VWA8: variants seen among roughly 807,000 people sequenced by gnomAD.
VWA8 encodes the protein von Willebrand factor A domain containing 8, also known as von Willebrand factor A domain-containing protein 8.
Under a neutral mutation model 241.5 loss-of-function variants are expected in VWA8, and 221 were observed. The ratio of observed to expected loss-of-function variants is 0.91; its 90% CI spans 0.82 to 1.02. The LOEUF is 1.02. Ranked by LOEUF, VWA8 falls within the 50% of genes least tolerant of loss-of-function variation. The probability of loss-of-function intolerance (pLI) is 0.00; values close to 1 mark genes in which losing one functional copy is unlikely to be tolerated. For missense variants in VWA8, 2,322 were observed against 2,328.7 expected (o/e 1.00, Z 0.06); for synonymous variants, 852 against 827.1 (o/e 1.03, Z -0.52).
At chr13:41,749,568 C>T (rs367660089) in intron 21 of VWA8, among the ~76,000 whole-genome samples, 9 of 151,172 alleles carry the variant, frequency 6.0e-5, no homozygotes, top group East Asian at 1.9e-4. Context: ...ATGTTTACTG[C>T]GGCACCACTC....
intron 22 of VWA8, among the ~76,000 whole-genome samples, chr13:41,730,315 TG>T (rs67669796): frequency 0.015 from 2,214 of 152,252 alleles, 38 homozygotes; most frequent in East Asian, 0.058. Flanking sequence ...AGGGTTTAAC[TG>T]TCAGACCAAG....
intron 3 of VWA8, among the ~76,000 whole-genome samples, chr13:41,911,054 T>G (rs1035852207): frequency 7.2e-6 from 1 of 138,332 alleles, no homozygotes; most frequent in Admixed American, 8.7e-5. Context: ...CATTTGTACA[T>G]TTTCTTTCTT....
intron 37 of VWA8, among the ~76,000 whole-genome samples, chr13:41,648,381 T>C (rs892843678): frequency 3.9e-5 from 6 of 152,178 alleles, no homozygotes. Context: ...ATTTCTGAAA[T>C]AGTTCTTCCC....
chr13:41,784,739 TATATATATATATATATATATATAC>T (rs1566456396), intron 18 of VWA8, among the ~76,000 whole-genome samples: 59 of 76,104 alleles, frequency 7.8e-4, no homozygotes, highest in Admixed American at 1.2e-3. Flanking sequence ...TACACACACA[TATATATATATATATATATATATAC>T]ACACACACAC....
intron 2 of VWA8, among the ~76,000 whole-genome samples, chr13:41,930,242 G>C (rs1313697164): frequency 6.6e-6 from 1 of 152,202 alleles, no homozygotes; most frequent in Non-Finnish European, 1.5e-5. Flanking sequence ...GTCGGCAAGG[G>C]TGTGGAGAAA....
At chr13:41,818,826 A>T (rs995283291) in intron 15 of VWA8, among the ~76,000 whole-genome samples, 1 of 152,204 alleles carries the variant, frequency 6.6e-6, no homozygotes, top group African/African-American at 2.4e-5. Flanking sequence ...TTCACTAAAC[A>T]GAAAAATAAA....
chr13:41,591,634 C>G (rs1253167201), intron 40 of VWA8, among the ~76,000 whole-genome samples: 2 of 151,416 alleles, frequency 1.3e-5, no homozygotes, highest in Non-Finnish European at 2.9e-5. Flanking sequence ...AAACAAACAA[C>G]CCCATCAAAA....
chr13:41,607,906 A>T (rs913296391), intron 39 of VWA8, among the ~76,000 whole-genome samples: 3 of 152,124 alleles, frequency 2.0e-5, no homozygotes, highest in African/African-American at 7.2e-5. Flanking sequence ...GGGAATAATG[A>T]ACATACGTCT....
At chr13:41,647,741 G>T (rs2044840884) in intron 37 of VWA8, among the ~76,000 whole-genome samples, 1 of 152,164 alleles carries the variant, frequency 6.6e-6, no homozygotes, top group South Asian at 2.1e-4. Flanking sequence ...TGTAATCCTA[G>T]CACTTTGGGA....
intron 12 of VWA8, among the ~76,000 whole-genome samples, chr13:41,856,200 G>A (rs899615468): frequency 2.0e-5 from 3 of 152,066 alleles, no homozygotes; most frequent in African/African-American, 4.8e-5. Flanking sequence ...GCCAGCGGGG[G>A]TAGCACACAT....
chr13:41,884,632 T>C (rs887797748), intron 8 of VWA8, among the ~76,000 whole-genome samples: 3 of 151,744 alleles, frequency 2.0e-5, no homozygotes, highest in Non-Finnish European at 4.4e-5. Flanking sequence ...ATATTAATAA[T>C]GGGTGATTGT....
chr13:41,595,073 G>A (rs563843793), intron 40 of VWA8, among the ~76,000 whole-genome samples: 1 of 152,302 alleles, frequency 6.6e-6, no homozygotes, highest in South Asian at 2.1e-4. Flanking sequence ...TACCATGAAG[G>A]ACTATTAGGC....
At chr13:41,836,554 T>C (rs1050438631) in intron 12 of VWA8, among the ~76,000 whole-genome samples, 3 of 152,190 alleles carry the variant, frequency 2.0e-5, no homozygotes, top group African/African-American at 7.2e-5. Context: ...CTCATTCTTA[T>C]ACCAACATAT....
At chr13:41,810,992 A>T (rs1378594628) in intron 17 of VWA8, among the ~76,000 whole-genome samples, 1 of 152,106 alleles carries the variant, frequency 6.6e-6, no homozygotes, top group Non-Finnish European at 1.5e-5. Flanking sequence ...TGCAGGCTGT[A>T]CAGGAAGCAT....
intron 12 of VWA8, among the ~76,000 whole-genome samples, chr13:41,845,856 G>A (rs1377687987): frequency 6.6e-6 from 1 of 152,062 alleles, no homozygotes; most frequent in East Asian, 1.9e-4. Flanking sequence ...TGAAGGGTGA[G>A]GGCTGAAAAA....
chr13:41,756,073 C>T lies in VWA8; in HGVS notation c.2426+5055G>A, dbSNP rs557100578. Among the ~76,000 whole-genome samples, 29 of 151,678 alleles carry T rather than the reference C, an allele frequency of 1.9e-4. No individual in the cohort carries two copies. In the South Asian group the frequency reaches 4.6e-3, roughly 24 times the overall value. On this transcript the variant is annotated intron_variant, in intron 21 of 44. Coordinates refer to ENST00000379310, the MANE Select transcript of VWA8 (RefSeq NM_015058.2). The stretch of plus-strand genomic sequence containing the variant: ...ACCAATAATATTAATAAACCCCTGA[C>T]AAAACTGATTGAGAAGGCAAACAGC...
chr13:41,951,663 T>C lies in VWA8; in HGVS notation c.164-1650A>G, dbSNP rs146818437. On this transcript the variant is annotated intron_variant, in intron 1 of 44. Coordinates refer to ENST00000379310, the MANE Select transcript of VWA8 (RefSeq NM_015058.2). The stretch of plus-strand genomic sequence containing the variant: ...AGGGCTCAGAGACACTCCAAAAAAG[T>C]AGTCGTGCAAAACTCATCTTTCAGC... Among the ~76,000 whole-genome samples the C allele has an allele frequency of 4.5e-3, 689 of 152,272 alleles. 3 individuals carry two copies. The highest frequency in any genetic ancestry group is 0.016 in the African/African-American group (659 of 41,562).
chr13:41,677,438 A>G (rs1593691308), intron 35 of VWA8, among the ~76,000 whole-genome samples: 1 of 152,168 alleles, frequency 6.6e-6, no homozygotes. Context: ...ACAAAGACTA[A>G]TAATTCTTGT....
intron 21 of VWA8, among the ~76,000 whole-genome samples, chr13:41,745,164 A>C (rs2045595585): frequency 6.6e-6 from 1 of 151,642 alleles, no homozygotes; most frequent in South Asian, 2.1e-4. Flanking sequence ...TTATACTTTA[A>C]GTTCTAGGGT....
Sources: gnomAD v4.1 joint callset for allele counts (sites outside exome capture counted in the v4.1 genomes callset) on GRCh38, gnomAD v4.1.1 for gene constraint, MANE v1.5 for transcripts, NCBI Gene and HGNC (gene_info 2026-07-23, HGNC 2026-07-21) for gene names.